The following ADAMTSL1 variants were observed in gnomAD, a reference collection of about 807,000 sequenced individuals.
ADAMTSL1 encodes the protein ADAMTS like 1, also known as ADAMTS-like protein 1.
A neutral mutation model predicts 201.8 loss-of-function variants in ADAMTSL1; 126 were observed. That is an observed-to-expected ratio of 0.62 (90% CI 0.54 to 0.72). The LOEUF is 0.72. ADAMTSL1 is among the 30% of genes least tolerant of loss of function. The pLI, the probability that ADAMTSL1 is intolerant of heterozygous loss-of-function variation, is 0.00. For missense variants in ADAMTSL1, 2,679 were observed against 2,277.8 expected, an observed-to-expected ratio of 1.18 and a Z score of -3.59; for synonymous variants, 1,121 against 903.4, an observed-to-expected ratio of 1.24 and a Z score of -4.32.
chr9:18,677,228 G>A (rs558294982), intron 10 of ADAMTSL1, among the ~76,000 whole-genome samples: 25 of 151,056 alleles, frequency 1.7e-4, no homozygotes, highest in African/African-American at 4.6e-4. Flanking sequence ...CTTTCACTAC[G>A]TGGCTATGTC....
intron 1 of ADAMTSL1, among the ~76,000 whole-genome samples, chr9:18,049,707 C>G (rs1233489318): frequency 2.6e-5 from 4 of 151,914 alleles, no homozygotes; most frequent in African/African-American, 9.7e-5. Flanking sequence ...CACTGCAAGC[C>G]CCGCCTCCCG....
chr9:18,170,350 C>G (rs1339213281), intron 2 of ADAMTSL1, among the ~76,000 whole-genome samples: 1 of 151,966 alleles, frequency 6.6e-6, no homozygotes, highest in Non-Finnish European at 1.5e-5. Flanking sequence ...ATATGTATTT[C>G]TCAGAACAAC....
At chr9:18,010,195 T>A (rs1819993595) in intron 1 of ADAMTSL1, among the ~76,000 whole-genome samples, 1 of 151,998 alleles carries the variant, frequency 6.6e-6, no homozygotes, top group Non-Finnish European at 1.5e-5. Context: ...AGAATTAATA[T>A]GATTGTTAAG....
chr9:18,462,525 C>G (rs1820845700), intron 2 of ADAMTSL1, among the ~76,000 whole-genome samples: 1 of 152,038 alleles, frequency 6.6e-6, no homozygotes, highest in Non-Finnish European at 1.5e-5. Context: ...TTGATAAGTT[C>G]TGTGCAAGAA....
intron 2 of ADAMTSL1, among the ~76,000 whole-genome samples, chr9:18,247,346 A>T (rs986245006): frequency 6.6e-6 from 1 of 152,236 alleles, no homozygotes; most frequent in South Asian, 2.1e-4. Flanking sequence ...TATTTTGAAG[A>T]AAGAATAAAA....
intron 2 of ADAMTSL1, among the ~76,000 whole-genome samples, chr9:18,367,462 G>C (rs1836818760): frequency 6.6e-6 from 1 of 151,734 alleles, no homozygotes; most frequent in South Asian, 2.1e-4. Flanking sequence ...CTAAGCCCTA[G>C]GGTTGCCATT....
chr9:18,525,996 C>T (rs947297347), intron 2 of ADAMTSL1, among the ~76,000 whole-genome samples: 5 of 152,118 alleles, frequency 3.3e-5, no homozygotes, highest in Non-Finnish European at 7.3e-5. Context: ...TCCTGGATAA[C>T]CTTTTTAACT....
intron 1 of ADAMTSL1, among the ~76,000 whole-genome samples, chr9:18,093,985 C>A (rs1421068596): frequency 2.0e-5 from 3 of 152,128 alleles, no homozygotes; most frequent in African/African-American, 7.2e-5. Context: ...AAGAGGCTCC[C>A]AGGCGGAATT....
chr9:18,223,911 C>T (rs1457015002), intron 2 of ADAMTSL1, among the ~76,000 whole-genome samples: 1 of 152,026 alleles, frequency 6.6e-6, no homozygotes, highest in African/African-American at 2.4e-5. Flanking sequence ...GTATGTTTTC[C>T]TCTGGTAGGC....
rs1269297611 is a variant in ADAMTSL1 at position 18,910,453 on chromosome 9, A to T, written c.*1905A>T. ...CTGTAAACTCAGTAGTGATTATTAT[A>T]TTTTTCCTATTTTTAATAGAACCTG... On this transcript the variant is annotated 3_prime_UTR_variant, in exon 29 of 29. Transcript: ENST00000380548. 1 of 152,088 alleles carries T rather than the reference A, an allele frequency of 6.6e-6. No homozygotes were observed. The highest frequency in any genetic ancestry group is 1.5e-5 in the Non-Finnish European group (1 of 68,006). 9.4% of individuals were successfully genotyped at this position (152,088 alleles called of 1,614,324 possible).
intron 4 of ADAMTSL1, among the ~76,000 whole-genome samples, chr9:18,575,110 G>C (rs10756978): frequency 0.62 from 93,924 of 151,984 alleles, 29,428 homozygotes; most frequent in East Asian, 0.82. Context: ...TCTTCAGAAT[G>C]TATAATATCA....
At chr9:17,918,000 T>C (rs886385841) in intron 1 of ADAMTSL1, among the ~76,000 whole-genome samples, 7 of 151,958 alleles carry the variant, frequency 4.6e-5, no homozygotes, top group African/African-American at 1.7e-4. Context: ...GTTATTAGGC[T>C]ATGTAGTTAT....
chr9:18,469,262 C>A (rs555685371), upstream of ADAMTSL1, among the ~76,000 whole-genome samples: 43 of 152,268 alleles, frequency 2.8e-4, no homozygotes, highest in African/African-American at 9.9e-4. Flanking sequence ...GTCAGTATAG[C>A]TTAGTGGTTA....
In ADAMTSL1 at chr9:18,905,831, T is replaced by G; in HGVS notation, c.4901T>G (p.Val1634Gly). Residue 1634 changes from valine to glycine, a missense_variant, in exon 27 of 29, where the codon GTC becomes GGC. Transcript: ENST00000380548. ...GPHLAVQHRQ[V>G]FCQTRDGITL... is the part of the protein sequence containing the mutation. ...CACCTAGCTGTGCAACACAGACAAG[T>G]CTTCTGCCAGACACGGGATGGCATC... 2 of 1,613,660 alleles carry G rather than the reference T, an allele frequency of 1.2e-6. No homozygotes were observed. Among genetic ancestry groups the G allele is most frequent in the Non-Finnish European group, 1.7e-6 (2 of 1,179,796 alleles).
At chr9:18,859,587 C>T (rs1415998786) in intron 23 of ADAMTSL1, among the ~76,000 whole-genome samples, 1 of 152,060 alleles carries the variant, frequency 6.6e-6, no homozygotes, top group Admixed American at 6.6e-5. Flanking sequence ...TGCATTGTTG[C>T]CCAAAACGTA....
At chr9:18,654,577 A>G (rs1828502219) in intron 7 of ADAMTSL1, among the ~76,000 whole-genome samples, 2 of 152,234 alleles carry the variant, frequency 1.3e-5, no homozygotes, top group South Asian at 4.1e-4. Flanking sequence ...GGAGAAAGAT[A>G]AGATCACAAT....
At chr9:17,914,335 G>A (rs1466293205) in intron 1 of ADAMTSL1, among the ~76,000 whole-genome samples, 2 of 152,106 alleles carry the variant, frequency 1.3e-5, no homozygotes, top group African/African-American at 4.8e-5. Context: ...GATCAAGTGG[G>A]TTTCATCCCT....
At chr9:18,373,422 T>C (rs1225187820) in intron 2 of ADAMTSL1, among the ~76,000 whole-genome samples, 1 of 152,158 alleles carries the variant, frequency 6.6e-6, no homozygotes, top group Non-Finnish European at 1.5e-5. Flanking sequence ...ATTCCAGTCA[T>C]CTTTTGGTTT....
At chr9:18,124,025 ATTTTCCT>A (rs1825618398) in intron 1 of ADAMTSL1, among the ~76,000 whole-genome samples, 1 of 134,228 alleles carries the variant, frequency 7.5e-6, no homozygotes, top group Admixed American at 7.4e-5. Context: ...TTTGATTTGC[ATTTTCCT>A]AATGATTAAT....
Sources: gnomAD v4.1 joint callset for allele counts (sites outside exome capture counted in the v4.1 genomes callset) on GRCh38, gnomAD v4.1.1 for gene constraint, MANE v1.5 for transcripts, NCBI Gene and HGNC (gene_info 2026-07-23, HGNC 2026-07-21) for gene names.